SCN1A: variants seen among roughly 807,000 people sequenced by gnomAD.
SCN1A encodes the protein sodium voltage-gated channel alpha subunit 1.
A neutral mutation model predicts 193.7 loss-of-function variants in SCN1A; 13 were observed. The observed-to-expected ratio is 0.07, with a 90% CI of 0.04 to 0.11. SCN1A has a LOEUF of 0.11. Among genes scored for constraint, SCN1A ranks in the 10% least tolerant of loss-of-function variants. The pLI is 1.00. For synonymous variants in SCN1A, 781 were observed against 843.6 expected (o/e 0.93, Z 1.29); for missense variants, 1,432 against 2,451.1 (o/e 0.58, Z 8.78).
rs1463265714 is a variant in SCN1A at position 166,097,062 on chromosome 2, C to CAGT, written c.-141-19262_-141-19261insACT. On this transcript the variant is annotated intron_variant, in intron 2 of 28. Transcript: ENST00000674923. ...TTGGAGACGGGGTCAGGCTCTGTTG[C>CAGT]CCGGGCTGTAGTGCAGTGGCATGAT... 2.8e-3 allele frequency among the ~76,000 whole-genome samples: 430 copies of CAGT among 152,026 alleles called. 3 individuals are homozygous for CAGT. Among genetic ancestry groups the CAGT allele is most frequent in the African/African-American group, 0.01 (417 of 41,490 alleles).
At chr2:166,083,429 C>T (rs1392612346) in intron 2 of SCN1A, among the ~76,000 whole-genome samples, 1 of 151,900 alleles carries the variant, frequency 6.6e-6, no homozygotes, top group African/African-American at 2.4e-5. Context: ...TTTCAAGACA[C>T]CCTAATAATA....
intron 1 of SCN1A, among the ~76,000 whole-genome samples, chr2:166,141,078 G>A (rs369861866): frequency 6.6e-6 from 1 of 152,036 alleles, no homozygotes; most frequent in South Asian, 2.1e-4. Context: ...ACTTCCTTCT[G>A]CACCTTGAAC....
rs1688941854 is a variant in SCN1A at position 165,990,142 on chromosome 2, A to AT, written c.*1102dup. On this transcript the variant is annotated 3_prime_UTR_variant, in exon 29 of 29. Coordinates refer to ENST00000674923, the MANE Select transcript of SCN1A (RefSeq NM_001165963.4). ...ACTATCTATAAATGGTACAGAATACATTTTATTACCTGTGTAAAGCTTGCA... is the reference window on the plus strand; with the variant it reads ...ACTATCTATAAATGGTACAGAATACATTTTTATTACCTGTGTAAAGCTTGCA... The AT allele has an allele frequency of 6.6e-6, 1 of 152,562 alleles. No homozygotes were observed. The allele number at this position is 152,562 out of a possible 1,614,324, so 9.5% of individuals were successfully genotyped here.
At chr2:166,143,098 C>A (rs1692159551) in intron 1 of SCN1A, among the ~76,000 whole-genome samples, 1 of 149,588 alleles carries the variant, frequency 6.7e-6, no homozygotes, top group African/African-American at 2.5e-5. Flanking sequence ...AAAAGGAATG[C>A]CACTTTATCA....
At chr2:166,001,817 T>G (rs1690889578) in intron 24 of SCN1A, among the ~76,000 whole-genome samples, 1 of 150,278 alleles carries the variant, frequency 6.7e-6, no homozygotes, top group Non-Finnish European at 1.5e-5. Flanking sequence ...TCATTTGAGA[T>G]AAGACAACAG....
chr2:166,039,151 T>C (rs1011743984), intron 17 of SCN1A, among the ~76,000 whole-genome samples: 8 of 152,202 alleles, frequency 5.3e-5, no homozygotes, highest in African/African-American at 1.7e-4. Context: ...GGTCTAGAAA[T>C]ATTAACTGTA....
chr2:166,068,388 T>C (rs1684063553), intron 4 of SCN1A, among the ~76,000 whole-genome samples: 1 of 151,974 alleles, frequency 6.6e-6, no homozygotes. Context: ...AAGGAAGAAA[T>C]AGTGCATAGG....
chr2:166,019,797 C>T (rs1051640859), intron 19 of SCN1A, among the ~76,000 whole-genome samples: 2 of 152,122 alleles, frequency 1.3e-5, no homozygotes, highest in Non-Finnish European at 2.9e-5. Context: ...AGATGAATAC[C>T]TCTGTTTCAG....
At chr2:166,096,905 T>G (rs1193601496) in intron 2 of SCN1A, among the ~76,000 whole-genome samples, 1 of 152,192 alleles carries the variant, frequency 6.6e-6, no homozygotes, top group Non-Finnish European at 1.5e-5. Context: ...ACCTCCAAAT[T>G]TGCCCTTTCA....
rs550959416 is a variant in SCN1A at position 166,139,328 on chromosome 2, C to G, written c.-50+9719G>C. On this transcript the variant is annotated intron_variant, in intron 1 of 26. Coordinates refer to the SCN1A transcript ENST00000635750. Reference sequence around the variant, plus strand: ...TGAAATCTCATCTTGAATTGTAACTCCCACCATTCCCATGTGTCATGGGAG... The same window carrying G: ...TGAAATCTCATCTTGAATTGTAACTGCCACCATTCCCATGTGTCATGGGAG... Among the ~76,000 whole-genome samples the G allele has an allele frequency of 4.6e-5, 7 of 152,220 alleles. No homozygotes were observed. In the East Asian group the frequency reaches 1.4e-3, roughly 29 times the overall value.
intron 2 of SCN1A, among the ~76,000 whole-genome samples, chr2:166,116,814 T>G (rs934132688): frequency 1.3e-5 from 2 of 152,162 alleles, no homozygotes; most frequent in Non-Finnish European, 2.9e-5. Context: ...AATAAATTTA[T>G]AAATTATAAT....
intron 1 of SCN1A, among the ~76,000 whole-genome samples, chr2:166,147,964 C>A (rs1363719105): frequency 6.6e-6 from 1 of 152,146 alleles, no homozygotes; most frequent in Non-Finnish European, 1.5e-5. Context: ...TGCTAAGTAA[C>A]CTGCCTAATG....
At chr2:166,101,308 A>G (rs1157748319) in intron 2 of SCN1A, among the ~76,000 whole-genome samples, 4 of 139,784 alleles carry the variant, frequency 2.9e-5, no homozygotes, top group Admixed American at 2.3e-4. Flanking sequence ...GAATTGAACA[A>G]TGAGATCACA....
chr2:166,016,505 A>G (rs1460029278), intron 19 of SCN1A: 1 of 152,054 alleles, frequency 6.6e-6, no homozygotes, highest in Non-Finnish European at 1.5e-5. Flanking sequence ...TATTTTGACA[A>G]TAGTGATGGG....
At chr2:166,084,989 T>C (rs1685950077) in intron 2 of SCN1A, among the ~76,000 whole-genome samples, 1 of 152,118 alleles carries the variant, frequency 6.6e-6, no homozygotes, top group Non-Finnish European at 1.5e-5. Context: ...TAAGTGAAAA[T>C]GCTATATAAA....
At chr2:166,118,539 G>A (rs1690166353) in intron 2 of SCN1A, among the ~76,000 whole-genome samples, 1 of 151,720 alleles carries the variant, frequency 6.6e-6, no homozygotes, top group Non-Finnish European at 1.5e-5. Context: ...AGGCCCAGGT[G>A]GCACTGAAAT....
At chr2:166,075,663 A>G (rs58550423) in intron 3 of SCN1A, among the ~76,000 whole-genome samples, 11,685 of 151,992 alleles carry the variant, frequency 0.077, 1,216 homozygotes, top group African/African-American at 0.24. Flanking sequence ...ACTTTCAAAT[A>G]TATGTGGATA....
rs762384975 is a variant in SCN1A at position 166,048,970 on chromosome 2, G to GT, written c.965-22dup. On this transcript the variant is annotated intron_variant, in intron 9 of 28. Transcript: ENST00000674923. ...ATATCCTGTTTGAAAAAAGAAAGTCGTATGATGAACATTTGCATTGTTAAA... is the reference window on the plus strand; with the variant it reads ...ATATCCTGTTTGAAAAAAGAAAGTCGTTATGATGAACATTTGCATTGTTAAA... The GT allele has an allele frequency of 1.8e-5, 27 of 1,512,620 alleles. 1 individual carries two copies. The South Asian group carries it at 3.0e-4, about 17-fold the overall frequency. The allele number at this position is 1,512,620 out of a possible 1,614,324, so 93.7% of individuals were successfully genotyped here. A position where few individuals can be genotyped will look rare whatever the true frequency, so the allele number is the denominator to read the frequency against.
At chr2:166,078,641 G>C (rs974141134) in intron 2 of SCN1A, among the ~76,000 whole-genome samples, 8 of 151,654 alleles carry the variant, frequency 5.3e-5, no homozygotes, top group African/African-American at 1.9e-4. Context: ...TAAACCAAAA[G>C]TAAATATAAA....
Sources: allele counts gnomAD v4.1 joint callset (sites outside exome capture counted in the v4.1 genomes callset), GRCh38; gene constraint gnomAD v4.1.1; transcripts MANE v1.5; gene names NCBI Gene and HGNC (gene_info 2026-07-23, HGNC 2026-07-21).